PRDM16: variants seen among roughly 807,000 people sequenced by gnomAD.
The protein encoded by PRDM16 is histone-lysine N-methyltransferase PRDM16.
In PRDM16, 23 loss-of-function variants were observed where a neutral mutation model predicts 110.6. That is an observed-to-expected ratio of 0.21 (90% CI 0.15 to 0.29). The LOEUF is 0.29. PRDM16 is among the 10% of genes least tolerant of loss of function. The pLI is 1.00. For missense variants in PRDM16, 1,615 were observed against 1,794.3 expected (o/e 0.90, Z 1.81); for synonymous variants, 799 against 781.8 (o/e 1.02, Z -0.37).
intron 14 of PRDM16, 126 bp downstream of exon 14, chr1:3,426,351 G>T (rs992114054): frequency 2.8e-6 from 2 of 717,182 alleles, no homozygotes; most frequent in Admixed American, 3.1e-5. Flanking sequence ...GCGCAGTGGG[G>T]GCCTCACCAC....
chr1:3,316,304 G>A (rs1641600147), intron 3 of PRDM16, among the ~76,000 whole-genome samples: 1 of 151,918 alleles, frequency 6.6e-6, no homozygotes, highest in Non-Finnish European at 1.5e-5. Context: ...GGGTGGGGTT[G>A]CCTTGCCTTC....
chr1:3,294,134 G>A (rs1382812763), intron 3 of PRDM16, among the ~76,000 whole-genome samples: 2 of 151,280 alleles, frequency 1.3e-5, no homozygotes, highest in African/African-American at 4.9e-5. Flanking sequence ...CTGCCTACCA[G>A]GTAAACAGGC....
intron 3 of PRDM16, among the ~76,000 whole-genome samples, chr1:3,318,270 G>T (rs1373615093): frequency 2.0e-5 from 3 of 152,162 alleles, no homozygotes; most frequent in Admixed American, 6.5e-5. Context: ...TGTCCCATCG[G>T]GTTCTTAACC....
rs767412035 is a variant in PRDM16, at chr1:3,404,775, C to A, written c.921C>A (p.Arg307=). ...ACATGGTCATCCACACGGAGGAGCG[C>A]GAGTACAAATGCGACCAGTGTCCCA... The part of the protein sequence containing the change: ...EQHMVIHTEE[R]EYKCDQCPKA... Residue 307 remains arginine, a synonymous_variant, in exon 7 of 17, where the codon CGC becomes CGA. Coordinates refer to ENST00000270722, the MANE Select transcript of PRDM16 (RefSeq NM_022114.4). 6.8e-6 allele frequency: 11 copies of A among 1,613,496 alleles called. No homozygotes were observed. The highest frequency in any genetic ancestry group is 4.0e-5 in the African/African-American group (3 of 74,926).
intron 1 of PRDM16, among the ~76,000 whole-genome samples, chr1:3,126,846 G>A (rs1023392833): frequency 6.6e-6 from 1 of 152,194 alleles, no homozygotes; most frequent in African/African-American, 2.4e-5. Flanking sequence ...GTGCAGAAGC[G>A]TTGTAGATGG....
intron 2 of PRDM16, among the ~76,000 whole-genome samples, chr1:3,196,701 C>G (rs914408127): frequency 2.6e-5 from 4 of 152,194 alleles, no homozygotes; most frequent in Admixed American, 2.0e-4. Context: ...CGGGGGAGGT[C>G]CCAGGAGTCT....
intron 2 of PRDM16, among the ~76,000 whole-genome samples, chr1:3,225,466 G>T (rs1639264225): frequency 6.6e-6 from 1 of 151,992 alleles, no homozygotes; most frequent in Non-Finnish European, 1.5e-5. Flanking sequence ...ACGGCGCGTG[G>T]ACACCACTCT....
chr1:3,082,069 T>C (rs1642041605), intron 1 of PRDM16, among the ~76,000 whole-genome samples: 1 of 152,148 alleles, frequency 6.6e-6, no homozygotes, highest in Admixed American at 6.5e-5. Context: ...GCCTCAGAGG[T>C]GGCACCTGGC....
chr1:3,433,390 G>A (rs904801400), intron 16 of PRDM16, among the ~76,000 whole-genome samples: 1 of 152,250 alleles, frequency 6.6e-6, no homozygotes, highest in African/African-American at 2.4e-5. Context: ...CGGGAGGCTG[G>A]GAACGGACGA....
intron 1 of PRDM16, among the ~76,000 whole-genome samples, chr1:3,135,337 C>G (rs1643414810): frequency 6.6e-6 from 1 of 152,194 alleles, no homozygotes; most frequent in Non-Finnish European, 1.5e-5. Context: ...TCATCGTACC[C>G]AGCTCTTCCT....
chr1:3,402,563 G>A (rs1399523714), intron 5 of PRDM16, among the ~76,000 whole-genome samples: 19 of 152,164 alleles, frequency 1.2e-4, no homozygotes, highest in Non-Finnish European at 5.9e-5. Flanking sequence ...ACAGATTGGG[G>A]GGTCCTTTGG....
At chr1:3,275,355 C>T (rs1432154085) in intron 3 of PRDM16, among the ~76,000 whole-genome samples, 1 of 152,220 alleles carries the variant, frequency 6.6e-6, no homozygotes, top group Non-Finnish European at 1.5e-5. Context: ...GTCCCATAGA[C>T]ACAGGCCAAC....
Position 3,244,130 on chromosome 1 carries a change from T to C in PRDM16, c.431T>C (p.Ile144Thr), listed in dbSNP as rs757284038. 6.2e-7 allele frequency: 1 copy of C among 1,613,858 alleles called. No homozygotes were observed. The highest frequency in any genetic ancestry group is 8.5e-7 in the Non-Finnish European group (1 of 1,180,000). ...GAAGTGTCGCCCCAGGAAGGCTGCA[T>C]CACAAAGGTAGGAGAGCTCGCCCTG... ...DVEVSPQEGC[I>T]TKISEDLGSE... is the part of the protein sequence containing the mutation. Residue 144 changes from isoleucine to threonine, a missense_variant, in exon 3 of 17, where the codon ATC becomes ACC. Physicochemically the swap from Ile to Thr is moderately conservative, Grantham distance 89. Transcript: ENST00000270722. The surrounding 1 kb of genome is among the most constrained non-coding windows in gnomAD (Gnocchi z 4.1).
chr1:3,161,390 C>G (rs1643895650), intron 1 of PRDM16, among the ~76,000 whole-genome samples: 1 of 152,202 alleles, frequency 6.6e-6, no homozygotes, highest in African/African-American at 2.4e-5. Flanking sequence ...CACATCTTGT[C>G]AAAGGACGGC....
rs1640254729 is a variant in PRDM16, at chr1:3,265,028, T to G, written c.438+20891T>G. 6.6e-6 allele frequency among the ~76,000 whole-genome samples: 1 copy of G among 151,220 alleles called. No homozygotes were observed. The highest frequency in any genetic ancestry group is 2.1e-4 in the South Asian group (1 of 4,768). ...GCAGATTTCTGAGCACAGAGAAACC[T>G]GAGCTGAGCCACTGAGTCCCCCAGC... On this transcript the variant is annotated intron_variant, in intron 3 of 16. Coordinates refer to ENST00000270722, the MANE Select transcript of PRDM16 (RefSeq NM_022114.4). The surrounding 1 kb of genome is among the most constrained non-coding windows in gnomAD (Gnocchi z 4.5).
intron 3 of PRDM16, among the ~76,000 whole-genome samples, chr1:3,279,932 C>T (rs1465465877): frequency 2.6e-5 from 4 of 151,590 alleles, no homozygotes; most frequent in African/African-American, 2.4e-5. Flanking sequence ...TGACGTCAGC[C>T]GAGAAGCATG....
chr1:3,241,536 T>C (rs754911066), intron 2 of PRDM16, among the ~76,000 whole-genome samples: 28 of 152,188 alleles, frequency 1.8e-4, no homozygotes, highest in Non-Finnish European at 3.2e-4. Context: ...GCGTCGCATG[T>C]AACGCCTTCA....
intron 3 of PRDM16, among the ~76,000 whole-genome samples, chr1:3,321,331 T>TGA (rs1641738423): frequency 1.3e-5 from 2 of 151,976 alleles, no homozygotes; most frequent in African/African-American, 2.4e-5. Context: ...GGTCCGTGTG[T>TGA]GTGTGTACAT....
chr1:3,431,978 C>T lies in PRDM16; in HGVS notation c.3534C>T (p.Asp1178=), dbSNP rs887407488. 1.9e-5 allele frequency: 31 copies of T among 1,613,144 alleles called. No individual in the cohort carries two copies. Among genetic ancestry groups the T allele is most frequent in the Non-Finnish European group, 2.6e-5 (31 of 1,179,908 alleles). The change falls in exon 16 of 17, where the codon GAC becomes GAT. Residue 1178 remains aspartate (D), a synonymous_variant. Coordinates refer to ENST00000270722, the MANE Select transcript of PRDM16 (RefSeq NM_022114.4). The part of the protein sequence containing the change: ...GFDHTRRCAE[D]HEGGLLALEP... ...GTCATTGGTGCAGGTGTGCTGAGGA[C>T]CACGAAGGCGGTCTGTTAGCTTTGG...
Sources: gnomAD v4.1 joint callset for allele counts (sites outside exome capture counted in the v4.1 genomes callset) on GRCh38, gnomAD v4.1.1 for gene constraint, Gnocchi (gnomAD v3.1) non-coding constraint, MANE v1.5 for transcripts, NCBI Gene and HGNC (gene_info 2026-07-23, HGNC 2026-07-21) for gene names.